The following SAP30BP variants were observed in gnomAD, a reference collection of about 807,000 sequenced individuals.
SAP30BP encodes SAP30 binding protein.
In SAP30BP, 31 loss-of-function variants were observed where a neutral mutation model predicts 46.3. That is an observed-to-expected ratio of 0.67 (90% confidence interval 0.50 to 0.90). The LOEUF is 0.90. SAP30BP is among the 40% of genes least tolerant of loss of function. SAP30BP has a pLI of 0.00. For missense variants in SAP30BP, 312 were observed against 391.0 expected (o/e 0.80, Z 1.70); for synonymous variants, 169 against 144.2 (o/e 1.17, Z -1.23).
intron 3 of SAP30BP, chr17:75,693,112 AGAGCAACAGGCAGGGTATAC>A: frequency 4.0e-6 from 1 of 250,606 alleles, no homozygotes; most frequent in Admixed American, 5.4e-5. Context: ...GACCCAGGGG[AGAGCAACAGGCAGGGTATAC>A]GTTGCCCAGT....
intron 3 of SAP30BP, among the ~76,000 whole-genome samples, chr17:75,685,264 C>A (rs1216017744): frequency 1.3e-5 from 2 of 152,204 alleles, no homozygotes; most frequent in Non-Finnish European, 2.9e-5. Context: ...TTATATGATA[C>A]AGAGGACTGC....
At chr17:75,700,101 G>A (rs931569671) in intron 5 of SAP30BP, 3 of 350,570 alleles carry the variant, frequency 8.6e-6, no homozygotes, top group African/African-American at 2.1e-5. Flanking sequence ...CCAGCAGGGC[G>A]GCCCTGTCTT....
chr17:75,687,510 G>A (rs577632163), intron 3 of SAP30BP, among the ~76,000 whole-genome samples: 1 of 152,094 alleles, frequency 6.6e-6, no homozygotes, highest in Admixed American at 6.5e-5. Flanking sequence ...CAGCTACTTG[G>A]GAGGCTGAGG....
chr17:75,703,175 C>CAGGA (rs1387176266), intron 6 of SAP30BP, 136 bp from the exon 7 acceptor site: 1 of 755,056 alleles, frequency 1.3e-6, no homozygotes, highest in Non-Finnish European at 2.3e-6. Flanking sequence ...GGAGGGCCAT[C>CAGGA]AGGAAGCTTG....
intron 4 of SAP30BP, among the ~76,000 whole-genome samples, chr17:75,694,665 C>T (rs932175184): frequency 6.6e-5 from 10 of 152,228 alleles, no homozygotes; most frequent in Admixed American, 5.2e-4. Context: ...GGACGGGAGC[C>T]TTGGCCTCTT....
Position 75,706,651 on chromosome 17 carries a change from T to G in SAP30BP, c.*130T>G. ...ATGCCACCTGAGAGGAGCTTCTGTT[T>G]GGCATTCCAGATGGAAGGACAGGCA... is the stretch of plus-strand genomic sequence containing the variant. On this transcript the variant is annotated 3_prime_UTR_variant, in exon 11 of 11. Coordinates refer to ENST00000584667, the MANE Select transcript of SAP30BP (RefSeq NM_013260.8). The surrounding 1 kb of genome is among the most constrained non-coding windows in gnomAD (Gnocchi z 4.6). 1.2e-6 allele frequency: 1 copy of G among 855,916 alleles called. No homozygotes were observed. Among genetic ancestry groups the G allele is most frequent in the Non-Finnish European group, 1.8e-6 (1 of 552,796 alleles). 53.0% of individuals were successfully genotyped at this position (855,916 alleles called of 1,614,324 possible). A position where few individuals can be genotyped will look rare whatever the true frequency, so the allele number is the denominator to read the frequency against.
chr17:75,668,660 G>C, intron 2 of SAP30BP, 35 bp downstream of exon 2: 1 of 1,378,940 alleles, frequency 7.3e-7, no homozygotes, highest in South Asian at 1.2e-5. Context: ...GCTACTGAAA[G>C]CACAATTTCA....
chr17:75,696,379 A>C (rs2060318852), intron 4 of SAP30BP, among the ~76,000 whole-genome samples: 1 of 137,824 alleles, frequency 7.3e-6, no homozygotes, highest in Non-Finnish European at 1.6e-5. Context: ...CTAAAAATCC[A>C]AAAAAAAAAA....
intron 3 of SAP30BP, among the ~76,000 whole-genome samples, chr17:75,687,187 T>C (rs2060169303): frequency 6.6e-6 from 1 of 152,232 alleles, no homozygotes; most frequent in African/African-American, 2.4e-5. Context: ...TTTTCATATT[T>C]TATCCTCAAT....
chr17:75,704,960 G>T (rs1231469884), intron 9 of SAP30BP, 146 bp downstream of exon 9: 1 of 694,744 alleles, frequency 1.4e-6, no homozygotes, highest in African/African-American at 1.8e-5. Context: ...AGCAGGGCCT[G>T]TGTGCTGAGC....
intron 4 of SAP30BP, among the ~76,000 whole-genome samples, chr17:75,694,704 C>T (rs1303259131): frequency 6.6e-6 from 1 of 152,240 alleles, no homozygotes; most frequent in Non-Finnish European, 1.5e-5. Context: ...GCCGACCCTG[C>T]TGTTTACTGT....
At chr17:75,692,575 C>T in intron 3 of SAP30BP, 1 of 926,238 alleles carries the variant, frequency 1.1e-6, no homozygotes, top group Non-Finnish European at 1.3e-6. Flanking sequence ...CAAGGGAAGA[C>T]TTGTGACGGA....
At chr17:75,672,833 G>A (rs1265277736) in intron 3 of SAP30BP, among the ~76,000 whole-genome samples, 1 of 151,964 alleles carries the variant, frequency 6.6e-6, no homozygotes, top group Non-Finnish European at 1.5e-5. Context: ...GGTGGGTGGT[G>A]CACACCTGTG....
chr17:75,682,418 C>G (rs1330506645), intron 3 of SAP30BP, among the ~76,000 whole-genome samples: 3 of 152,054 alleles, frequency 2.0e-5, no homozygotes, highest in African/African-American at 7.2e-5. Flanking sequence ...CTCCTGACCT[C>G]AGGTGATACA....
Position 75,706,050 on chromosome 17 carries a change from G to T in SAP30BP, c.703G>T (p.Ala235Ser), listed in dbSNP as rs913017305. Residue 235 changes from alanine to serine, a missense_variant, in exon 10 of 11, where the codon GCC becomes TCC. This residue lies in a region of SAP30BP where 296 missense variants were observed against 346.6 expected (regional missense o/e 0.85). Transcript: ENST00000584667. The surrounding 1 kb of genome is among the most constrained non-coding windows in gnomAD (Gnocchi z 4.6). ...TGTKKGTTTNATSTTTTTAST... is the reference protein window; with the variant it reads ...TGTKKGTTTNSTSTTTTTAST... ...CACCAAAAAAGGCACCACGACCAACGCCACGTCCACCACCACTACCACTGC... is the reference window on the plus strand; with the variant it reads ...CACCAAAAAAGGCACCACGACCAACTCCACGTCCACCACCACTACCACTGC... 1 of 1,613,430 alleles carries T rather than the reference G, an allele frequency of 6.2e-7. No homozygotes were observed. The highest frequency in any genetic ancestry group is 8.5e-7 in the Non-Finnish European group (1 of 1,179,938).
intron 4 of SAP30BP, among the ~76,000 whole-genome samples, chr17:75,699,194 CATTTT>C (rs2060367871): frequency 6.6e-6 from 1 of 151,976 alleles, no homozygotes; most frequent in Non-Finnish European, 1.5e-5. Flanking sequence ...TTTTTTATTT[CATTTT>C]ATGTATTTTA....
intron 3 of SAP30BP, among the ~76,000 whole-genome samples, chr17:75,674,400 T>C (rs2059952371): frequency 6.6e-6 from 1 of 152,120 alleles, no homozygotes; most frequent in African/African-American, 2.4e-5. Flanking sequence ...GTTCAAGCGA[T>C]TCTCCTGTCT....
chr17:75,702,629 A>C, intron 6 of SAP30BP, 58 bp downstream of exon 6: 1 of 811,804 alleles, frequency 1.2e-6, no homozygotes, highest in Non-Finnish European at 2.1e-6. Flanking sequence ...ACTAAGGACT[A>C]AGACGTCCCC....
At chr17:75,704,166 G>A (rs1369911981) in intron 8 of SAP30BP, among the ~76,000 whole-genome samples, 3 of 152,246 alleles carry the variant, frequency 2.0e-5, no homozygotes, top group Admixed American at 2.0e-4. Flanking sequence ...GGGATGGGAA[G>A]GCCTCACTGA....
Sources: gnomAD v4.1 joint callset for allele counts (sites outside exome capture counted in the v4.1 genomes callset) on GRCh38, gnomAD v4.1.1 for gene constraint, gnomAD v4.1.1 regional missense constraint, Gnocchi (gnomAD v3.1) non-coding constraint, MANE v1.5 for transcripts, NCBI Gene and HGNC (gene_info 2026-07-23, HGNC 2026-07-21) for gene names.